Variants in NETO1 observed in about 807,000 individuals in gnomAD.
The protein encoded by NETO1 is neuropilin and tolloid-like protein 1.
In NETO1, 26 loss-of-function variants were observed where a neutral mutation model predicts 61.3. The ratio of observed to expected loss-of-function variants is 0.42; its 90% CI spans 0.31 to 0.59. The LOEUF (loss-of-function observed/expected upper bound fraction) is 0.59, where lower values mean the gene tolerates loss of function less well. Ranked by LOEUF, NETO1 falls within the 20% of genes least tolerant of loss-of-function variation. The pLI, the probability that NETO1 is intolerant of heterozygous loss-of-function variation, is 0.12. For missense variants in NETO1, 531 were observed against 662.8 expected (o/e 0.80, Z 2.18); for synonymous variants, 225 against 225.8 (o/e 1.00, Z 0.03).
At chr18:72,770,454 A>G (rs1440832003) in intron 7 of NETO1, among the ~76,000 whole-genome samples, 1 of 152,046 alleles carries the variant, frequency 6.6e-6, no homozygotes, top group East Asian at 1.9e-4. Context: ...TTTTAGGAAG[A>G]CCTGCCAATA....
intron 1 of NETO1, chr18:72,865,684 A>G: frequency 6.4e-7 from 1 of 1,558,170 alleles, no homozygotes; most frequent in African/African-American, 1.4e-5. Flanking sequence ...TTCCTGACAT[A>G]CTGCAGTGTG....
rs1485178182 is a variant in NETO1 at position 72,750,219 on chromosome 18, G to A, written c.1384C>T (p.Pro462Ser). Residue 462 changes from proline (P) to serine (S), a missense_variant, in exon 9 of 11, where the codon CCA (proline) becomes TCA (serine). Coordinates refer to ENST00000327305, the MANE Select transcript of NETO1 (RefSeq NM_138966.5). ...ASILTEMPTQ[P>S]GKPLIPPMNR... ...ATGGGTGGGATGAGGGGTTTTCCTG[G>A]CTGTGTGGGCATCTCTGTCAAGATA... 3 of 1,614,026 alleles carry A rather than the reference G, an allele frequency of 1.9e-6. No homozygotes were observed. Among genetic ancestry groups the A allele is most frequent in the Admixed American group, 1.7e-5 (1 of 60,004 alleles).
At chr18:72,810,415 T>C (rs2072828023) in intron 4 of NETO1, among the ~76,000 whole-genome samples, 2 of 152,184 alleles carry the variant, frequency 1.3e-5, no homozygotes, top group African/African-American at 4.8e-5. Context: ...TGAAGAATGA[T>C]TATTCCTGGA....
intron 7 of NETO1, among the ~76,000 whole-genome samples, chr18:72,781,277 C>T (rs999764655): frequency 3.9e-5 from 6 of 152,010 alleles, no homozygotes; most frequent in Admixed American, 3.3e-4. Context: ...ATGTTATTCC[C>T]GAAGACAGAT....
Position 72,745,130 on chromosome 18 carries a change from A to T in NETO1, c.*3049T>A, listed in dbSNP as rs2145054933. Reference sequence around the variant, plus strand: ...TGTTCTCCATTAAAAGCCCAAAGACACTGATCTCCAATTATGTGGACAGCC... The same window carrying T: ...TGTTCTCCATTAAAAGCCCAAAGACTCTGATCTCCAATTATGTGGACAGCC... On this transcript the variant is annotated 3_prime_UTR_variant, in exon 11 of 11. Transcript: ENST00000327305. The T allele has an allele frequency of 6.6e-6, 1 of 152,338 alleles. No individual in the cohort carries two copies. Among genetic ancestry groups the T allele is most frequent in the African/African-American group, 2.4e-5 (1 of 41,594 alleles). 9.4% of individuals were successfully genotyped at this position (152,338 alleles called of 1,614,324 possible). A position where few individuals can be genotyped will look rare whatever the true frequency, so the allele number is the denominator to read the frequency against.
chr18:72,814,444 T>G lies in NETO1; in HGVS notation c.470-20040A>C, dbSNP rs546679392. Among the ~76,000 whole-genome samples the G allele has an allele frequency of 2.0e-3, 291 of 144,262 alleles. 4 individuals are homozygous for G. The East Asian group carries it at 0.025, about 13-fold the overall frequency. The allele number at this position is 144,262 out of a possible 152,430, so 94.6% of individuals were successfully genotyped here. A position where few individuals can be genotyped will look rare whatever the true frequency, so the allele number is the denominator to read the frequency against. ...GACAAATTGCATGAGGAAATTATAG[T>G]AAGAAGAAGAAAAGTAGAAACTAAA... On this transcript the variant is annotated intron_variant, in intron 4 of 10. Coordinates refer to ENST00000327305, the MANE Select transcript of NETO1 (RefSeq NM_138966.5).
intron 4 of NETO1, among the ~76,000 whole-genome samples, chr18:72,808,027 T>C (rs1336005849): frequency 6.6e-6 from 1 of 152,224 alleles, no homozygotes; most frequent in Non-Finnish European, 1.5e-5. Context: ...GCATTTCTTG[T>C]TGGCAGAAAT....
intron 4 of NETO1, among the ~76,000 whole-genome samples, chr18:72,797,252 G>A (rs947487197): frequency 7.9e-5 from 12 of 152,028 alleles, no homozygotes; most frequent in African/African-American, 2.9e-4. Flanking sequence ...GCTAACATTT[G>A]TCATTTTTAT....
chr18:72,859,159 G>A (rs1454158672), intron 3 of NETO1, 85 bp from the exon 4 acceptor site: 3 of 1,306,236 alleles, frequency 2.3e-6, no homozygotes, highest in Non-Finnish European at 2.1e-6. Context: ...GATGTTATTT[G>A]TACATCTTCT....
Position 72,859,057 on chromosome 18 carries a change from T to C in NETO1, c.238A>G (p.Ile80Val). 6.2e-7 allele frequency: 1 copy of C among 1,612,992 alleles called. No individual in the cohort carries two copies. Among genetic ancestry groups the C allele is most frequent in the Non-Finnish European group, 8.5e-7 (1 of 1,179,504 alleles). The change falls in exon 4 of 11, where the codon ATT becomes GTT. Residue 80 changes from isoleucine (I) to valine (V), a missense_variant. By Grantham distance (29) the Ile-to-Val change is conservative. Transcript: ENST00000327305. ...TACTTTTCATCAAAGTAAAGTTCAATGCACTGTCTTGGAGCGGCTGTAAAG... is the reference window on the plus strand; with the variant it reads ...TACTTTTCATCAAAGTAAAGTTCAACGCACTGTCTTGGAGCGGCTGTAAAG... ...YIIEAAPRQC[I>V]ELYFDEKYSI...
intron 4 of NETO1, among the ~76,000 whole-genome samples, chr18:72,811,746 A>G (rs957918124): frequency 4.6e-5 from 7 of 152,210 alleles, no homozygotes; most frequent in African/African-American, 1.7e-4. Flanking sequence ...TCGAGGCTGC[A>G]GAAAGCTGTG....
At chr18:72,832,751 A>G (rs930182476) in intron 4 of NETO1, among the ~76,000 whole-genome samples, 5 of 152,208 alleles carry the variant, frequency 3.3e-5, no homozygotes, top group Non-Finnish European at 7.3e-5. Context: ...ATGGTTGATT[A>G]CAATTCACTT....
At chr18:72,762,224 G>A (rs1349565505) in intron 7 of NETO1, among the ~76,000 whole-genome samples, 2 of 151,350 alleles carry the variant, frequency 1.3e-5, no homozygotes, top group Admixed American at 1.3e-4. Flanking sequence ...GCAATGGCGC[G>A]ATCTCCACTC....
At chr18:72,784,226 A>G (rs1047409608) in intron 6 of NETO1, among the ~76,000 whole-genome samples, 12 of 152,100 alleles carry the variant, frequency 7.9e-5, no homozygotes, top group Non-Finnish European at 1.5e-4. Flanking sequence ...TTTTACTTTG[A>G]TTAGCAAATG....
At chr18:72,778,341 T>C (rs1221192511) in intron 7 of NETO1, among the ~76,000 whole-genome samples, 2 of 152,240 alleles carry the variant, frequency 1.3e-5, no homozygotes, top group Admixed American at 6.5e-5. Context: ...CTTGTAAGCA[T>C]GTTTTCTCAT....
chr18:72,784,097 T>C (rs988842954), intron 6 of NETO1, among the ~76,000 whole-genome samples, 191 bp from the exon 7 acceptor site: 6 of 152,174 alleles, frequency 3.9e-5, no homozygotes, highest in African/African-American at 1.4e-4. Flanking sequence ...CAAATGCTAT[T>C]ATCCTTTCTT....
chr18:72,852,324 C>A (rs1295227010), intron 4 of NETO1, among the ~76,000 whole-genome samples: 4 of 152,252 alleles, frequency 2.6e-5, no homozygotes, highest in Non-Finnish European at 4.4e-5. Flanking sequence ...AAGTGATTCT[C>A]CTGCCTCAGC....
intron 7 of NETO1, among the ~76,000 whole-genome samples, chr18:72,764,545 T>C (rs1170039672): frequency 6.6e-6 from 1 of 152,034 alleles, no homozygotes; most frequent in Non-Finnish European, 1.5e-5. Context: ...ATTTCCTCTG[T>C]CCTCTCTCTC....
chr18:72,749,139 AT>A (rs1236688194), intron 9 of NETO1, 51 bp from the exon 10 acceptor site: 3 of 1,079,214 alleles, frequency 2.8e-6, no homozygotes, highest in South Asian at 1.3e-5. Context: ...GCACAAAAAA[AT>A]ATGTATACAA....
Sources: gnomAD v4.1 joint callset for allele counts (sites outside exome capture counted in the v4.1 genomes callset) on GRCh38, gnomAD v4.1.1 for gene constraint, MANE v1.5 for transcripts, NCBI Gene and HGNC (gene_info 2026-07-23, HGNC 2026-07-21) for gene names.